PSD3: variants seen among roughly 807,000 people sequenced by gnomAD.
PSD3 encodes the protein pleckstrin and Sec7 domain containing 3, also known as PH and SEC7 domain-containing protein 3.
PSD3 carries 49 observed loss-of-function variants against 105.5 expected under a neutral mutation model. That is an observed-to-expected ratio of 0.46 (90% CI 0.37 to 0.59). PSD3 has a LOEUF of 0.59. Ranked by LOEUF, PSD3 falls within the 20% of genes least tolerant of loss-of-function variation. The pLI is 0.00. For missense variants in PSD3, 1,561 were observed against 1,263.8 expected, an observed-to-expected ratio of 1.24 and a Z score of -3.57; for synonymous variants, 557 against 457.8, an observed-to-expected ratio of 1.22 and a Z score of -2.77.
chr8:19,049,496 C>A (rs1828441230), intron 1 of PSD3, among the ~76,000 whole-genome samples: 1 of 151,902 alleles, frequency 6.6e-6, no homozygotes, highest in Non-Finnish European at 1.5e-5. Context: ...TCAGGACCAG[C>A]CCAGACAACA....
chr8:18,732,435 A>T (rs750117112), intron 9 of PSD3, among the ~76,000 whole-genome samples: 2 of 152,258 alleles, frequency 1.3e-5, no homozygotes, highest in Non-Finnish European at 2.9e-5. Context: ...GAGATTCTGC[A>T]CAAGTGCAGT....
intron 10 of PSD3, among the ~76,000 whole-genome samples, chr8:18,650,042 G>C (rs1023770897): frequency 2.6e-5 from 4 of 152,332 alleles, no homozygotes; most frequent in African/African-American, 9.6e-5. Context: ...TGCAAGAACA[G>C]ACTAAAACAG....
intron 2 of PSD3, among the ~76,000 whole-genome samples, chr8:18,899,638 G>C (rs553175125): frequency 1.6e-4 from 25 of 152,160 alleles, no homozygotes; most frequent in African/African-American, 6.0e-4. Flanking sequence ...TGAACTCATA[G>C]AGTTCTGGGT....
intron 9 of PSD3, among the ~76,000 whole-genome samples, chr8:18,657,669 C>T (rs1809003311): frequency 6.6e-6 from 1 of 152,186 alleles, no homozygotes; most frequent in African/African-American, 2.4e-5. Context: ...GAGTTGAAAA[C>T]TGGCTCAAGT....
chr8:18,575,068 C>G (rs2248559), intron 13 of PSD3, 60 bp downstream of exon 13: 1,430,508 of 1,514,692 alleles, frequency 0.94, 675,859 homozygotes, highest in Admixed American at 0.97. Flanking sequence ...TTGTTCCTTG[C>G]AATAAAGTAG....
chr8:18,710,086 A>C (rs1802158238), intron 9 of PSD3, among the ~76,000 whole-genome samples: 1 of 152,184 alleles, frequency 6.6e-6, no homozygotes, highest in African/African-American at 2.4e-5. Context: ...CAAAGCGGCT[A>C]AAAACCATGA....
At chr8:18,755,429 C>CAACATAACATAACAT (rs372407715) in intron 9 of PSD3, among the ~76,000 whole-genome samples, 13,709 of 136,568 alleles carry the variant, frequency 0.1, 787 homozygotes, top group African/African-American at 0.11. Flanking sequence ...GACCCTGTCT[C>CAACATAACATAACAT]AACATAACAT....
intron 10 of PSD3, among the ~76,000 whole-genome samples, chr8:18,648,871 G>T (rs1808255693): frequency 6.6e-6 from 1 of 152,262 alleles, no homozygotes; most frequent in African/African-American, 2.4e-5. Context: ...TCACTCCAGA[G>T]AGTGTAAGCC....
chr8:18,678,527 C>T (rs1339013472), intron 9 of PSD3, among the ~76,000 whole-genome samples: 1 of 152,222 alleles, frequency 6.6e-6, no homozygotes. Flanking sequence ...TAAGAGTTTT[C>T]CCAGCTGGGC....
intron 11 of PSD3, among the ~76,000 whole-genome samples, chr8:18,615,737 G>C: frequency 6.6e-6 from 1 of 152,202 alleles, no homozygotes; most frequent in East Asian, 1.9e-4. Context: ...TATCTGAGAA[G>C]GGCAGGTAAC....
At chr8:18,768,535 T>C (rs984706951) in intron 8 of PSD3, among the ~76,000 whole-genome samples, 1 of 152,158 alleles carries the variant, frequency 6.6e-6, no homozygotes, top group Non-Finnish European at 1.5e-5. Context: ...ATGTTGAGGT[T>C]ACAGTGAGCC....
intron 1 of PSD3, among the ~76,000 whole-genome samples, chr8:19,048,527 T>C (rs1255038391): frequency 6.8e-6 from 1 of 147,182 alleles, no homozygotes; most frequent in African/African-American, 2.4e-5. Flanking sequence ...ACTGCCAAAG[T>C]GCTAGCTTGT....
intron 1 of PSD3, among the ~76,000 whole-genome samples, chr8:19,005,280 C>T (rs1826619811): frequency 6.6e-6 from 1 of 151,960 alleles, no homozygotes; most frequent in Non-Finnish European, 1.5e-5. Flanking sequence ...GAATGAAGTA[C>T]TAACACATGC....
chr8:18,648,734 G>T (rs997101714), intron 10 of PSD3, among the ~76,000 whole-genome samples: 1 of 152,198 alleles, frequency 6.6e-6, no homozygotes, highest in Non-Finnish European at 1.5e-5. Flanking sequence ...CAGGCCTGGA[G>T]GCTTAGGAGA....
chr8:19,068,876 T>G (rs189509704), intron 1 of PSD3, among the ~76,000 whole-genome samples: 81 of 152,270 alleles, frequency 5.3e-4, no homozygotes, highest in Middle Eastern at 3.4e-3. Flanking sequence ...TTGCTCTTTT[T>G]TGCCCACATC....
At chr8:18,738,789 A>G (rs1311915863) in intron 9 of PSD3, among the ~76,000 whole-genome samples, 1 of 152,066 alleles carries the variant, frequency 6.6e-6, no homozygotes, top group East Asian at 1.9e-4. Context: ...CTATTCTTGG[A>G]TTGCTAAGAA....
chr8:18,789,191 C>T (rs535617757), intron 8 of PSD3, among the ~76,000 whole-genome samples: 1 of 152,134 alleles, frequency 6.6e-6, no homozygotes, highest in Non-Finnish European at 1.5e-5. Context: ...GATACTGTTC[C>T]AGATGTCCAT....
At chr8:18,852,351 G>A (rs1815654496) in intron 4 of PSD3, among the ~76,000 whole-genome samples, 1 of 152,172 alleles carries the variant, frequency 6.6e-6, no homozygotes, top group Admixed American at 6.5e-5. Flanking sequence ...GACAGAAAGG[G>A]ACAATCTAGG....
chr8:18,736,716 T>C (rs866918661), intron 9 of PSD3, among the ~76,000 whole-genome samples: 3 of 152,140 alleles, frequency 2.0e-5, no homozygotes, highest in South Asian at 4.1e-4. Flanking sequence ...ATGAAAAAAA[T>C]TGGAAAGGTT....
Sources: allele counts gnomAD v4.1 joint callset (sites outside exome capture counted in the v4.1 genomes callset), GRCh38; gene constraint gnomAD v4.1.1; transcripts MANE v1.5; gene names NCBI Gene and HGNC (gene_info 2026-07-23, HGNC 2026-07-21).